WDR73: variants seen among roughly 807,000 people sequenced by gnomAD.
The protein encoded by WDR73 is integrator complex assembly factor WDR73.
WDR73 carries 30 observed loss-of-function variants against 38.2 expected under a neutral mutation model. That is an observed-to-expected ratio of 0.79 (90% CI 0.59 to 1.06). WDR73 has a LOEUF of 1.06. Among genes scored for constraint, WDR73 ranks in the 50% least tolerant of loss-of-function variants. The pLI is 0.00. For missense variants in WDR73, 487 were observed against 467.0 expected (o/e 1.04, Z -0.40); for synonymous variants, 197 against 176.0 (o/e 1.12, Z -0.94).
In WDR73 at chr15:84,645,830, C is replaced by A; in HGVS notation, c.524G>T (p.Ser175Ile). ...SRKTTYTSDV[S>I]DSEELSSLQV... ...CAGGCTACTCAGCTCCTCACTGTCA[C>A]TGACATCTGGAAGACCGACAGCAAA... The change falls in exon 7 of 8, where the codon AGT becomes ATT. Residue 175 changes from serine (S) to isoleucine (I), a missense_variant. Coordinates refer to ENST00000434634, the MANE Select transcript of WDR73 (RefSeq NM_032856.5). The A allele has an allele frequency of 2.5e-6, 4 of 1,613,856 alleles. No homozygotes were observed. The highest frequency in any genetic ancestry group is 3.4e-6 in the Non-Finnish European group (4 of 1,179,858).
rs1452010406 is a variant in WDR73 at position 84,646,173 on chromosome 15, T to C, written c.517+11A>G. 1.9e-6 allele frequency: 3 copies of C among 1,613,274 alleles called. No homozygotes were observed. Among genetic ancestry groups the C allele is most frequent in the Non-Finnish European group, 2.5e-6 (3 of 1,179,838 alleles). On this transcript the variant is annotated intron_variant, in intron 6 of 7. Transcript: ENST00000434634. ...CTGGAGCAGCAAGCAAGGGACAAAGTACCACGGTACCTGAGGTGTACGTGG... is the reference window on the plus strand; with the variant it reads ...CTGGAGCAGCAAGCAAGGGACAAAGCACCACGGTACCTGAGGTGTACGTGG...
intron 5 of WDR73, chr15:84,646,656 G>A (rs1163461956): frequency 7.8e-6 from 2 of 257,176 alleles, no homozygotes; most frequent in Non-Finnish European, 1.5e-5. Context: ...TAGAAGACAA[G>A]AAAAGGAATG....
intron 3 of WDR73, among the ~76,000 whole-genome samples, chr15:84,652,427 A>G (rs968146555): frequency 4.6e-5 from 7 of 152,070 alleles, no homozygotes; most frequent in Non-Finnish European, 1.0e-4. Context: ...GGTGACTTTA[A>G]TCACTCTACG....
Position 84,646,251 on chromosome 15 carries a change from G to C in WDR73, c.450C>G (p.Leu150=). The C allele has an allele frequency of 6.2e-7, 1 of 1,613,936 alleles. No homozygotes were observed. ...AVFSTLAPGV[L]HGARLRSLQV... ...GCAGACTTCGGAGCCTCGCCCCATG[G>C]AGGACTCCGGGTGCCAATGTGGAGA... The change falls in exon 6 of 8, where the codon CTC becomes CTG. Residue 150 remains leucine (L), a synonymous_variant. Coordinates refer to ENST00000434634, the MANE Select transcript of WDR73 (RefSeq NM_032856.5).
chr15:84,644,050 G>A, intron 7 of WDR73: 2 of 275,784 alleles, frequency 7.3e-6, no homozygotes, highest in Non-Finnish European at 1.4e-5. Context: ...GTAACCATGA[G>A]CATCCGTTGT....
At chr15:84,644,699 C>T (rs1237392335) in intron 7 of WDR73, 1 of 151,672 alleles carries the variant, frequency 6.6e-6, no homozygotes, top group Non-Finnish European at 1.5e-5. Flanking sequence ...CTGCCTCAGC[C>T]TCCCAAGTAG....
rs1188441935 is a variant in WDR73 at position 84,640,986 on chromosome 15, T to A, written c.*2484A>T. ...ATGAAAATAGATAAGGGCATTATCC[T>A]GTACCCTCAAAGGAGTAAAAGGGGG... On this transcript the variant is annotated 3_prime_UTR_variant, in exon 8 of 8. Transcript: ENST00000434634. The A allele has an allele frequency of 6.6e-6, 1 of 152,226 alleles. No homozygotes were observed. Among genetic ancestry groups the A allele is most frequent in the Non-Finnish European group, 1.5e-5 (1 of 68,058 alleles). The allele number at this position is 152,226 out of a possible 1,614,324, so 9.4% of individuals were successfully genotyped here. A position where few individuals can be genotyped will look rare whatever the true frequency, so the allele number is the denominator to read the frequency against.
At chr15:84,644,056 G>A (rs1043432028) in intron 7 of WDR73, 7 of 261,538 alleles carry the variant, frequency 2.7e-5, no homozygotes, top group South Asian at 9.2e-5. Flanking sequence ...ATGAGCATCC[G>A]TTGTGCACCT....
intron 7 of WDR73, chr15:84,644,326 A>G (rs902251681): frequency 1.3e-5 from 2 of 152,580 alleles, no homozygotes; most frequent in Non-Finnish European, 2.9e-5. Context: ...AGCTGCACAC[A>G]CACTCATTCC....
chr15:84,652,041 T>C (rs1896640650), intron 3 of WDR73, among the ~76,000 whole-genome samples: 1 of 152,176 alleles, frequency 6.6e-6, no homozygotes, highest in South Asian at 2.1e-4. Flanking sequence ...CTAATTTTTG[T>C]ATTTTTAGTA....
chr15:84,654,120 G>C, intron 1 of WDR73, 114 bp downstream of exon 1: 1 of 1,416,638 alleles, frequency 7.1e-7, no homozygotes, highest in Non-Finnish European at 9.9e-7. Context: ...CGAGCCCCGA[G>C]GCCACAGCTG....
chr15:84,652,984 T>C, intron 2 of WDR73, 182 bp from the exon 3 acceptor site: 1 of 486,274 alleles, frequency 2.1e-6, no homozygotes. Context: ...AGTGGTCCGA[T>C]CACAGCTCAC....
intron 7 of WDR73, chr15:84,644,540 A>T (rs1373686453): frequency 1.3e-5 from 2 of 150,728 alleles, no homozygotes; most frequent in Non-Finnish European, 2.9e-5. Context: ...CCACCAGACC[A>T]GAACCAGGGG....
Position 84,642,313 on chromosome 15 carries a change from C to T in WDR73, c.*1157G>A, listed in dbSNP as rs12324854. ...CGAGATCACGCCACTGCACTCAAGC[C>T]TGGGTGACAGAGCAAGACTCCATCT... On this transcript the variant is annotated 3_prime_UTR_variant, in exon 8 of 8. Transcript: ENST00000434634. 1 of 149,280 alleles carries T rather than the reference C, an allele frequency of 6.7e-6. No homozygotes were observed. The highest frequency in any genetic ancestry group is 2.5e-5 in the African/African-American group (1 of 40,288). The allele number at this position is 149,280 out of a possible 1,614,324, so 9.2% of individuals were successfully genotyped here. A position where few individuals can be genotyped will look rare whatever the true frequency, so the allele number is the denominator to read the frequency against.
In WDR73 at chr15:84,639,348, G is replaced by A. The variant is rs996100427; in HGVS notation, c.*4122C>T. On this transcript the variant is annotated 3_prime_UTR_variant, in exon 8 of 8. Transcript: ENST00000434634. The stretch of plus-strand genomic sequence containing the variant: ...CGTGGATATATAGTTATGCATTTGG[G>A]CCTGAATTTTTTTTTCTAGTTGTTC... 7.2e-5 allele frequency: 11 copies of A among 151,768 alleles called. No homozygotes were observed. Among genetic ancestry groups the A allele is most frequent in the African/African-American group, 2.7e-4 (11 of 41,310 alleles). The allele number at this position is 151,768 out of a possible 1,614,324, so 9.4% of individuals were successfully genotyped here. A position where few individuals can be genotyped will look rare whatever the true frequency, so the allele number is the denominator to read the frequency against.
intron 3 of WDR73, among the ~76,000 whole-genome samples, chr15:84,650,608 C>T (rs923736355): frequency 6.6e-6 from 1 of 152,088 alleles, no homozygotes; most frequent in African/African-American, 2.4e-5. Context: ...ATCCGCCCAC[C>T]TCAGCCTCCC....
chr15:84,640,334 A>G lies in WDR73; in HGVS notation c.*3136T>C, dbSNP rs367821643. On this transcript the variant is annotated 3_prime_UTR_variant, in exon 8 of 8. Transcript: ENST00000434634. ...GAAAAATTGGTGACAACTTTAAGAA[A>G]TACTGTTTATATCCCGTCCTCAAAT... 1 of 152,300 alleles carries G rather than the reference A, an allele frequency of 6.6e-6. No homozygotes were observed. The highest frequency in any genetic ancestry group is 1.9e-4 in the East Asian group (1 of 5,188). 9.4% of individuals were successfully genotyped at this position (152,300 alleles called of 1,614,324 possible). A position where few individuals can be genotyped will look rare whatever the true frequency, so the allele number is the denominator to read the frequency against.
chr15:84,649,185 G>A (rs1896549313), intron 3 of WDR73, among the ~76,000 whole-genome samples: 1 of 152,208 alleles, frequency 6.6e-6, no homozygotes, highest in Non-Finnish European at 1.5e-5. Flanking sequence ...ATTAAGTTGT[G>A]AATTTGAACC....
intron 5 of WDR73, 122 bp downstream of exon 5, chr15:84,647,768 A>G (rs1596052484): frequency 6.2e-6 from 6 of 960,722 alleles, no homozygotes; most frequent in Admixed American, 1.9e-5. Context: ...AAGTGCTACA[A>G]TTACAGGCAT....
Sources: gnomAD v4.1 joint callset for allele counts (sites outside exome capture counted in the v4.1 genomes callset) on GRCh38, gnomAD v4.1.1 for gene constraint, MANE v1.5 for transcripts, NCBI Gene and HGNC (gene_info 2026-07-23, HGNC 2026-07-21) for gene names.